The following NEGR1 variants were observed in gnomAD, a reference collection of about 807,000 sequenced individuals.
NEGR1 encodes the protein neuronal growth regulator 1.
In NEGR1, 10 loss-of-function variants were observed where a neutral mutation model predicts 40.9. The ratio of observed to expected loss-of-function variants is 0.24; its 90% CI spans 0.15 to 0.42. The LOEUF (loss-of-function observed/expected upper bound fraction) is 0.42, where lower values mean the gene tolerates loss of function less well. NEGR1 is among the 10% of genes least tolerant of loss of function. NEGR1 has a pLI of 1.00. For missense variants in NEGR1, 352 were observed against 438.9 expected (o/e 0.80, Z 1.77); for synonymous variants, 185 against 166.8 (o/e 1.11, Z -0.84).
intron 6 of NEGR1, among the ~76,000 whole-genome samples, chr1:71,435,918 C>A (rs1014074607): frequency 2.6e-5 from 4 of 152,210 alleles, no homozygotes; most frequent in African/African-American, 9.6e-5. Context: ...GCTTCCTCCT[C>A]AATACATTTC....
chr1:71,921,163 T>C (rs564253612), intron 2 of NEGR1, among the ~76,000 whole-genome samples: 5 of 152,306 alleles, frequency 3.3e-5, no homozygotes, highest in Non-Finnish European at 7.4e-5. Flanking sequence ...TAAATTTGCT[T>C]TTGATATTCA....
At chr1:71,489,174 CT>C (rs1646908178) in intron 6 of NEGR1, among the ~76,000 whole-genome samples, 1 of 151,714 alleles carries the variant, frequency 6.6e-6, no homozygotes, top group African/African-American at 2.4e-5. Flanking sequence ...CTTTCTCTGT[CT>C]CAGGCAACTT....
intron 4 of NEGR1, among the ~76,000 whole-genome samples, chr1:71,685,965 A>T (rs934941610): frequency 0.099 from 19 of 192 alleles, no homozygotes; most frequent in East Asian, 0.5. Flanking sequence ...GTTAATGGCC[A>T]GATGCTATTT....
At chr1:72,041,018 A>C (rs974847963) in intron 1 of NEGR1, among the ~76,000 whole-genome samples, 1 of 152,044 alleles carries the variant, frequency 6.6e-6, no homozygotes, top group African/African-American at 2.4e-5. Flanking sequence ...AACCAATGTC[A>C]ATAGTTCTTA....
chr1:71,692,079 T>C (rs1653302637), intron 4 of NEGR1, among the ~76,000 whole-genome samples: 1 of 151,728 alleles, frequency 6.6e-6, no homozygotes, highest in Non-Finnish European at 1.5e-5. Flanking sequence ...TTTTCTCCTT[T>C]CCTGGATAAT....
chr1:71,697,178 G>A (rs1427128865), intron 4 of NEGR1, among the ~76,000 whole-genome samples: 1 of 151,696 alleles, frequency 6.6e-6, no homozygotes, highest in African/African-American at 2.4e-5. Flanking sequence ...TTATTAGCAA[G>A]GACCATATAT....
chr1:71,455,674 G>A (rs1368640831), intron 6 of NEGR1, among the ~76,000 whole-genome samples: 1 of 152,158 alleles, frequency 6.6e-6, no homozygotes, highest in Non-Finnish European at 1.5e-5. Context: ...GCAGTGAGCT[G>A]AGATCACACC....
intron 4 of NEGR1, among the ~76,000 whole-genome samples, chr1:71,665,821 C>T (rs1436302867): frequency 2.0e-5 from 3 of 152,136 alleles, no homozygotes; most frequent in African/African-American, 7.2e-5. Context: ...ATAGATAGAA[C>T]ACGTGTTCCA....
At chr1:72,247,815 G>A (rs1654949253) in intron 1 of NEGR1, among the ~76,000 whole-genome samples, 1 of 152,098 alleles carries the variant, frequency 6.6e-6, no homozygotes, top group African/African-American at 2.4e-5. Context: ...TGTGTTGCTA[G>A]AAAGAAATAC....
intron 1 of NEGR1, among the ~76,000 whole-genome samples, chr1:72,208,558 C>A (rs1039683112): frequency 4.0e-5 from 6 of 150,890 alleles, no homozygotes; most frequent in Admixed American, 4.0e-4. Context: ...TTCTTTAAGT[C>A]AAAAATATAG....
At chr1:71,637,488 T>C (rs1651193351) in intron 4 of NEGR1, among the ~76,000 whole-genome samples, 1 of 151,932 alleles carries the variant, frequency 6.6e-6, no homozygotes. Flanking sequence ...TATAATTTGG[T>C]ATCATGCAAC....
In NEGR1 at chr1:72,056,386, T is replaced by C. The variant is rs1051125982; in HGVS notation, c.177-121075A>G. Reference sequence around the variant, plus strand: ...GAGGGTTACTTTGCTAATGATCGCATAGAGAATCAAAGAGAGATTCCTGGC... The same window carrying C: ...GAGGGTTACTTTGCTAATGATCGCACAGAGAATCAAAGAGAGATTCCTGGC... On this transcript the variant is annotated intron_variant, in intron 1 of 6. Coordinates refer to ENST00000357731, the MANE Select transcript of NEGR1 (RefSeq NM_173808.3). Among the ~76,000 whole-genome samples, 4 of 151,542 alleles carry C rather than the reference T, an allele frequency of 2.6e-5. No individual in the cohort carries two copies. The South Asian group carries it at 8.3e-4, about 31-fold the overall frequency.
chr1:71,868,372 G>T (rs978482978), intron 2 of NEGR1, among the ~76,000 whole-genome samples: 1 of 151,914 alleles, frequency 6.6e-6, no homozygotes. Context: ...ATCATAGAAA[G>T]AAATAGCCAT....
chr1:71,573,522 C>T (rs981872707), intron 6 of NEGR1: 4 of 152,124 alleles, frequency 2.6e-5, no homozygotes, highest in Non-Finnish European at 5.9e-5. Context: ...ATTTTCTGTC[C>T]TCAGACAGTG....
intron 1 of NEGR1, among the ~76,000 whole-genome samples, chr1:71,939,039 C>G (rs1051995481): frequency 6.6e-6 from 1 of 152,074 alleles, no homozygotes; most frequent in South Asian, 2.1e-4. Context: ...TCCCCTGATG[C>G]TTTTCTGACT....
intron 4 of NEGR1, among the ~76,000 whole-genome samples, chr1:71,638,175 G>A (rs11588704): frequency 0.073 from 11,134 of 151,898 alleles, 506 homozygotes; most frequent in African/African-American, 0.12. Flanking sequence ...TAATCTTAGA[G>A]AAAATATTAT....
chr1:71,661,758 T>C (rs1362492483), intron 4 of NEGR1, among the ~76,000 whole-genome samples: 2 of 152,178 alleles, frequency 1.3e-5, no homozygotes, highest in Non-Finnish European at 2.9e-5. Flanking sequence ...ACTATATTAA[T>C]AGAGTTAAAA....
At chr1:71,806,462 C>T (rs931361970) in intron 2 of NEGR1, among the ~76,000 whole-genome samples, 5 of 150,726 alleles carry the variant, frequency 3.3e-5, no homozygotes, top group African/African-American at 1.2e-4. Context: ...GAAATAATTT[C>T]AACTCAAAAT....
intron 3 of NEGR1, among the ~76,000 whole-genome samples, chr1:71,753,026 G>T (rs967694769): frequency 6.6e-6 from 1 of 151,960 alleles, no homozygotes; most frequent in African/African-American, 2.4e-5. Flanking sequence ...TTCGGCTTTG[G>T]GGTCTATCAG....
Sources: allele counts gnomAD v4.1 joint callset (sites outside exome capture counted in the v4.1 genomes callset), GRCh38; gene constraint gnomAD v4.1.1; transcripts MANE v1.5; gene names NCBI Gene and HGNC (gene_info 2026-07-23, HGNC 2026-07-21).